Variants in SEZ6L observed in about 807,000 individuals in gnomAD.
SEZ6L encodes seizure 6-like protein.
SEZ6L carries 37 observed loss-of-function variants against 106.2 expected under a neutral mutation model. The ratio of observed to expected loss-of-function variants is 0.35; its 90% CI spans 0.27 to 0.46. SEZ6L has a LOEUF of 0.46. Ranked by LOEUF, SEZ6L falls within the 20% of genes least tolerant of loss-of-function variation. The pLI is 1.00. For missense variants in SEZ6L, 1,172 were observed against 1,332.8 expected (o/e 0.88, Z 1.88); for synonymous variants, 541 against 570.4 (o/e 0.95, Z 0.73).
intron 6 of SEZ6L, among the ~76,000 whole-genome samples, chr22:26,307,655 G>T (rs935580226): frequency 6.6e-6 from 1 of 151,806 alleles, no homozygotes; most frequent in Admixed American, 6.6e-5. Context: ...TAATAACCTG[G>T]GGAATTCTTT....
chr22:26,336,738 G>T (rs184504536), intron 9 of SEZ6L, among the ~76,000 whole-genome samples: 53 of 152,288 alleles, frequency 3.5e-4, no homozygotes, highest in Non-Finnish European at 6.6e-4. Context: ...GGGCTGTCTT[G>T]TGCACTGTAG....
intron 1 of SEZ6L, among the ~76,000 whole-genome samples, chr22:26,189,976 G>A (rs893976078): frequency 6.6e-6 from 1 of 151,828 alleles, no homozygotes; most frequent in Non-Finnish European, 1.5e-5. Flanking sequence ...GGGCACCTGT[G>A]GTCCCAGTTA....
intron 1 of SEZ6L, among the ~76,000 whole-genome samples, chr22:26,289,856 G>A (rs1010018295): frequency 2.0e-5 from 3 of 152,200 alleles, no homozygotes; most frequent in Non-Finnish European, 2.9e-5. Context: ...GACAAGGACA[G>A]CTATCAGTCC....
At chr22:26,247,770 C>T (rs1417623208) in intron 1 of SEZ6L, among the ~76,000 whole-genome samples, 1 of 152,136 alleles carries the variant, frequency 6.6e-6, no homozygotes, top group Non-Finnish European at 1.5e-5. Context: ...TATACCCTCT[C>T]TAGGCTTTGG....
At chr22:26,360,680 A>T (rs2083586772) in intron 12 of SEZ6L, among the ~76,000 whole-genome samples, 1 of 152,148 alleles carries the variant, frequency 6.6e-6, no homozygotes, top group Admixed American at 6.5e-5. Flanking sequence ...CTCCCCGACC[A>T]GGGGGCGGGA....
intron 13 of SEZ6L, among the ~76,000 whole-genome samples, chr22:26,370,254 G>A (rs1003478326): frequency 5.3e-5 from 8 of 151,830 alleles, no homozygotes; most frequent in Non-Finnish European, 7.4e-5. Flanking sequence ...GTGTGGTGGC[G>A]GGCGCCTGTA....
chr22:26,353,311 CAT>C (rs375425027), intron 12 of SEZ6L, among the ~76,000 whole-genome samples: 4 of 152,130 alleles, frequency 2.6e-5, no homozygotes, highest in African/African-American at 9.7e-5. Flanking sequence ...TATCTGTAAA[CAT>C]GTGTTTTTGT....
At chr22:26,368,060 C>CCTTTATTG (rs1198583930) in intron 13 of SEZ6L, among the ~76,000 whole-genome samples, 4 of 152,256 alleles carry the variant, frequency 2.6e-5, no homozygotes, top group African/African-American at 9.6e-5. Context: ...TGGATCTTAA[C>CCTTTATTG]CTTTATTGCT....
At chr22:26,373,348 C>CAAAAAAAAAA (rs2084105426) in intron 13 of SEZ6L, 103 bp from the exon 14 acceptor site, 2 of 983,554 alleles carry the variant, frequency 2.0e-6, no homozygotes, top group South Asian at 2.9e-5. Context: ...CTAACTTCAC[C>CAAAAAAAAAA]AAAGCATGGC....
chr22:26,373,600 C>A, intron 14 of SEZ6L, 117 bp downstream of exon 14: 1 of 790,254 alleles, frequency 1.3e-6, no homozygotes, highest in Non-Finnish European at 2.0e-6. Flanking sequence ...ATTCTACCTT[C>A]AGACTGCCAA....
At chr22:26,360,315 C>T (rs6005026) in intron 12 of SEZ6L, among the ~76,000 whole-genome samples, 1 of 152,074 alleles carries the variant, frequency 6.6e-6, no homozygotes, top group Admixed American at 6.5e-5. Flanking sequence ...CTTTATGCAC[C>T]TTCCATCTCC....
At chr22:26,328,441 G>T (rs1286418510) in intron 9 of SEZ6L, among the ~76,000 whole-genome samples, 3 of 152,204 alleles carry the variant, frequency 2.0e-5, no homozygotes, top group Admixed American at 1.3e-4. Flanking sequence ...CTGCTTCAAG[G>T]TCCTGCAGCT....
rs189472175 is a variant in SEZ6L, at chr22:26,174,044, A to C, written c.94+4281A>C. 1.2e-4 allele frequency among the ~76,000 whole-genome samples: 19 copies of C among 152,266 alleles called. No homozygotes were observed. In the East Asian group the frequency reaches 3.5e-3, roughly 28 times the overall value. The stretch of plus-strand genomic sequence containing the variant: ...CGGTAGACCTTGTTTTGGGTGCTGG[A>C]GTACTATAATATGATAAGGCTCCTG... On this transcript the variant is annotated intron_variant, in intron 1 of 16. Coordinates refer to ENST00000248933, the MANE Select transcript of SEZ6L (RefSeq NM_021115.5).
intron 1 of SEZ6L, among the ~76,000 whole-genome samples, chr22:26,201,755 C>A (rs1940975252): frequency 6.6e-6 from 1 of 152,082 alleles, no homozygotes. Context: ...TATCTGCCTT[C>A]CAGGGTAGTT....
In SEZ6L at chr22:26,381,862, C is replaced by A. The variant is rs1403052094; in HGVS notation, c.*1567C>A. 5.4e-6 allele frequency: 2 copies of A among 371,352 alleles called. No homozygotes were observed. Among genetic ancestry groups the A allele is most frequent in the Admixed American group, 6.7e-5 (2 of 29,894 alleles). 23.0% of individuals were successfully genotyped at this position (371,352 alleles called of 1,614,324 possible). On this transcript the variant is annotated 3_prime_UTR_variant, in exon 17 of 17. Transcript: ENST00000248933. ...ATTTGGAACCCTCTTTGGTGCCCTC[C>A]CATTCTCTCTGGAATTGTTTCAAGT...
At chr22:26,351,318 TG>T (rs1363324373) in intron 12 of SEZ6L, 75 bp downstream of exon 12, 3 of 1,434,338 alleles carry the variant, frequency 2.1e-6, no homozygotes, top group Non-Finnish European at 2.9e-6. Flanking sequence ...GATGGAAGGC[TG>T]GGCTGCTAGG....
At chr22:26,323,042 G>C (rs1320627095) in intron 9 of SEZ6L, among the ~76,000 whole-genome samples, 1 of 152,222 alleles carries the variant, frequency 6.6e-6, no homozygotes, top group Non-Finnish European at 1.5e-5. Context: ...GGCCCCAAGT[G>C]GGCAGGTAAC....
chr22:26,194,571 A>G (rs964350647), intron 1 of SEZ6L, among the ~76,000 whole-genome samples: 1 of 152,244 alleles, frequency 6.6e-6, no homozygotes, highest in African/African-American at 2.4e-5. Context: ...GGAATCAGCA[A>G]TGAATCAACC....
intron 4 of SEZ6L, 133 bp from the exon 5 acceptor site, chr22:26,298,851 A>T (rs1000545812): frequency 5.1e-5 from 36 of 708,974 alleles, no homozygotes; most frequent in Non-Finnish European, 5.2e-5. Flanking sequence ...CAAAAATACC[A>T]TTCTCCAGAG....
Sources: allele counts gnomAD v4.1 joint callset (sites outside exome capture counted in the v4.1 genomes callset), GRCh38; gene constraint gnomAD v4.1.1; transcripts MANE v1.5; gene names NCBI Gene and HGNC (gene_info 2026-07-23, HGNC 2026-07-21).